Variants in DDX60 observed in about 807,000 individuals in gnomAD.
The protein encoded by DDX60 is probable ATP-dependent RNA helicase DDX60.
Under a neutral mutation model 212.8 loss-of-function variants are expected in DDX60, and 165 were observed. The ratio of observed to expected loss-of-function variants is 0.78; its 90% CI spans 0.68 to 0.88. The LOEUF (loss-of-function observed/expected upper bound fraction) is 0.88, where lower values mean the gene tolerates loss of function less well. Among genes scored for constraint, DDX60 ranks in the 40% least tolerant of loss-of-function variants. The pLI, the probability that DDX60 is intolerant of heterozygous loss-of-function variation, is 0.00. For missense variants in DDX60, 1,905 were observed against 2,003.9 expected, an observed-to-expected ratio of 0.95 and a Z score of 0.94; for synonymous variants, 703 against 685.3, an observed-to-expected ratio of 1.03 and a Z score of -0.40.
intron 30 of DDX60, among the ~76,000 whole-genome samples, chr4:168,238,421 AGGG>A (rs1733713056): frequency 0.077 from 67 of 866 alleles, no homozygotes; most frequent in Non-Finnish European, 0.16. Context: ...AGGAGAGGGG[AGGG>A]AAGGGAAGGG....
intron 6 of DDX60, among the ~76,000 whole-genome samples, chr4:168,297,216 G>A (rs1257503102): frequency 6.6e-6 from 1 of 150,798 alleles, no homozygotes; most frequent in African/African-American, 2.4e-5. Flanking sequence ...GCCAAAAAAT[G>A]ATCTTTATTC....
chr4:168,314,869 G>A (rs1319755270), intron 1 of DDX60, among the ~76,000 whole-genome samples: 1 of 152,112 alleles, frequency 6.6e-6, no homozygotes, highest in Non-Finnish European at 1.5e-5. Flanking sequence ...TGTTTAGATT[G>A]AAATGTTTCT....
rs1736112429 is a variant in DDX60, at chr4:168,291,736, G to A, written c.1041+12C>T. On this transcript the variant is annotated intron_variant, in intron 8 of 37. Transcript: ENST00000393743. ...AACACAAAAATAGTAAACTAATAAA[G>A]AGTACATTTACCATTTGTAATAAAG... 1 of 1,546,636 alleles carries A rather than the reference G, an allele frequency of 6.5e-7. No homozygotes were observed. Among genetic ancestry groups the A allele is most frequent in the South Asian group, 1.2e-5 (1 of 80,192 alleles).
intron 6 of DDX60, among the ~76,000 whole-genome samples, chr4:168,294,703 T>A (rs1560867690): frequency 6.6e-6 from 1 of 152,076 alleles, no homozygotes; most frequent in Non-Finnish European, 1.5e-5. Flanking sequence ...GATTTCACCA[T>A]GTTGGCCAGG....
At chr4:168,268,990 A>T (rs1397769192) in intron 19 of DDX60, 21 bp from the exon 20 acceptor site, 1 of 1,324,518 alleles carries the variant, frequency 7.5e-7, no homozygotes, top group East Asian at 2.4e-5. Context: ...AAAAAAAAAA[A>T]ATCTCAACTG....
chr4:168,285,842 A>C (rs958543773), intron 10 of DDX60, among the ~76,000 whole-genome samples: 1 of 148,558 alleles, frequency 6.7e-6, no homozygotes. Flanking sequence ...GACAGATGAC[A>C]GATGGATAAA....
chr4:168,278,250 T>G (rs1205211987), intron 14 of DDX60, among the ~76,000 whole-genome samples: 2 of 152,168 alleles, frequency 1.3e-5, no homozygotes, highest in African/African-American at 4.8e-5. Context: ...TCCATGAAGT[T>G]GTGAAGAAGA....
At position 168,221,762 on chromosome 4, in the gene DDX60, A is replaced by C. The variant is rs1191422875; in HGVS notation, c.4944T>G (p.His1648Gln). 1.2e-6 allele frequency: 2 copies of C among 1,612,880 alleles called. No homozygotes were observed. The highest frequency in any genetic ancestry group is 2.2e-5 in the East Asian group (1 of 44,858). Residue 1648 changes from histidine (H) to glutamine (Q), a missense_variant, in exon 36 of 38, where the codon CAT (histidine) becomes CAG (glutamine). By Grantham distance (24) the His-to-Gln change is conservative (BLOSUM62 0). Coordinates refer to ENST00000393743, the MANE Select transcript of DDX60 (RefSeq NM_017631.6). ...CCTGGACTAATCCTATCAAGGAACC[A>C]TGTTTGTAGAAATCCAGTGCATAGG... ...LNAYALDFYK[H>Q]GSLIGLVQDN... is the part of the protein sequence containing the mutation.
upstream of DDX60, among the ~76,000 whole-genome samples, chr4:168,323,859 A>AAGTT (rs1307493673): frequency 9.2e-5 from 14 of 152,330 alleles, no homozygotes; most frequent in East Asian, 2.5e-3. Flanking sequence ...AGTTTAGCCA[A>AAGTT]CAGTGCTGAT....
chr4:168,265,400 T>G (rs1315198498), intron 22 of DDX60: 1 of 152,224 alleles, frequency 6.6e-6, no homozygotes, highest in South Asian at 2.1e-4. Flanking sequence ...TCACTGCTTC[T>G]TTAGGATATG....
At chr4:168,243,037 G>T (rs1733905319) in intron 30 of DDX60, among the ~76,000 whole-genome samples, 2 of 152,002 alleles carry the variant, frequency 1.3e-5, no homozygotes, top group Admixed American at 1.3e-4. Context: ...CCTTGCACAA[G>T]CTCTCTCTCT....
At chr4:168,239,273 A>G (rs1045714422) in intron 30 of DDX60, among the ~76,000 whole-genome samples, 1 of 152,108 alleles carries the variant, frequency 6.6e-6, no homozygotes, top group African/African-American at 2.4e-5. Flanking sequence ...ATAGGTAGAT[A>G]GATGATTGAT....
At chr4:168,229,137 C>T (rs184596770) in intron 33 of DDX60, among the ~76,000 whole-genome samples, 2 of 152,178 alleles carry the variant, frequency 1.3e-5, no homozygotes, top group African/African-American at 4.8e-5. Context: ...AGAGAATCCA[C>T]AGACCCTTTC....
intron 28 of DDX60, among the ~76,000 whole-genome samples, chr4:168,250,528 T>C (rs929704800): frequency 4.0e-5 from 6 of 150,620 alleles, no homozygotes; most frequent in African/African-American, 1.5e-4. Flanking sequence ...ATCATGACTT[T>C]TTTTTTTTTT....
intron 31 of DDX60, 94 bp downstream of exon 31, chr4:168,237,597 T>A (rs1365975325): frequency 2.4e-6 from 3 of 1,230,816 alleles, no homozygotes. Flanking sequence ...AATCATTGGA[T>A]AGAACCTTCT....
chr4:168,273,284 A>T lies in DDX60; in HGVS notation c.2569T>A (p.Cys857Ser). 6.2e-7 allele frequency: 1 copy of T among 1,613,064 alleles called. No individual in the cohort carries two copies. The highest frequency in any genetic ancestry group is 1.1e-5 in the South Asian group (1 of 90,876). ...TREYRHDALNCQVLITVPACF... is the reference protein window; with the variant it reads ...TREYRHDALNSQVLITVPACF... ...TATTAATTAAAATACCCTACCTGACAGTTTAAGGCATCATGACGATACTCC... is the reference window on the plus strand; with the variant it reads ...TATTAATTAAAATACCCTACCTGACTGTTTAAGGCATCATGACGATACTCC... The change falls in exon 18 of 38, where the codon TGT (cysteine) becomes AGT (serine). Residue 857 changes from cysteine (C) to serine (S), a missense_variant. Physicochemically the swap from Cys to Ser is moderately radical, Grantham distance 112 (BLOSUM62 -1). Coordinates refer to ENST00000393743, the MANE Select transcript of DDX60 (RefSeq NM_017631.6).
At chr4:168,284,270 T>C (rs1193109063) in intron 12 of DDX60, among the ~76,000 whole-genome samples, 1 of 152,206 alleles carries the variant, frequency 6.6e-6, no homozygotes, top group Non-Finnish European at 1.5e-5. Flanking sequence ...ATACTTGCTA[T>C]GCCTACTCCT....
chr4:168,296,117 T>C (rs1736329400), intron 6 of DDX60, among the ~76,000 whole-genome samples: 1 of 152,170 alleles, frequency 6.6e-6, no homozygotes, highest in Admixed American at 6.5e-5. Context: ...TAATGTCATA[T>C]ATTTCAAAAT....
intron 28 of DDX60, 45 bp from the exon 29 acceptor site, chr4:168,248,337 T>C: frequency 7.1e-7 from 1 of 1,403,112 alleles, no homozygotes; most frequent in Non-Finnish European, 9.8e-7. Flanking sequence ...AGCATTTTAA[T>C]AGAATGCAAG....
Sources: allele counts gnomAD v4.1 joint callset (sites outside exome capture counted in the v4.1 genomes callset), GRCh38; gene constraint gnomAD v4.1.1; transcripts MANE v1.5; gene names NCBI Gene and HGNC (gene_info 2026-07-23, HGNC 2026-07-21).